Variants in MRPS35 observed in about 807,000 individuals in gnomAD.
The protein encoded by MRPS35 is mitochondrial ribosomal protein S35, also known as small ribosomal subunit protein mS35.
MRPS35 carries 29 observed loss-of-function variants against 32.7 expected under a neutral mutation model. That is an observed-to-expected ratio of 0.89 (90% CI 0.66 to 1.21). The LOEUF is 1.21. Ranked by LOEUF, MRPS35 falls within the 50% of genes most tolerant of loss-of-function variation. MRPS35 has a pLI of 0.00. For synonymous variants in MRPS35, 148 were observed against 139.3 expected (o/e 1.06, Z -0.44); for missense variants, 373 against 383.8 (o/e 0.97, Z 0.23).
At position 27,714,774 on chromosome 12, in the gene MRPS35, G is replaced by C. The variant is rs775631024; in HGVS notation, c.113-6G>C. The C allele has an allele frequency of 4.4e-6, 7 of 1,607,306 alleles. No homozygotes were observed. The highest frequency in any genetic ancestry group is 4.3e-6 in the Non-Finnish European group (5 of 1,174,692). ...CTTTAACTACTGTGTTATCTTTTAC[G>C]TACAGCGGAAAGAACACCCGGAAAT... On this transcript the variant is annotated splice_polypyrimidine_tract_variant and splice_region_variant and intron_variant, in intron 1 of 7. Transcript: ENST00000081029.
chr12:27,732,980 AT>A (rs1336208958), intron 5 of MRPS35, among the ~76,000 whole-genome samples: 1 of 108,710 alleles, frequency 9.2e-6, no homozygotes, highest in African/African-American at 3.5e-5. Context: ...AAATGTAGTC[AT>A]TTGAAGATAT....
chr12:27,716,605 T>TTTA (rs1165049850), intron 3 of MRPS35, 147 bp downstream of exon 3: 1 of 716,824 alleles, frequency 1.4e-6, no homozygotes, highest in Non-Finnish European at 2.2e-6. Flanking sequence ...ATATAATAGG[T>TTTA]TTATTATTAT....
chr12:27,751,084 CAG>C (rs2062000362), intron 7 of MRPS35, among the ~76,000 whole-genome samples: 2 of 103,670 alleles, frequency 1.9e-5, no homozygotes, highest in South Asian at 3.5e-4. Flanking sequence ...GCCTGGGTGA[CAG>C]AGTGAGACTC....
At chr12:27,733,888 A>G (rs2061932089) in intron 5 of MRPS35, among the ~76,000 whole-genome samples, 2 of 152,246 alleles carry the variant, frequency 1.3e-5, no homozygotes, top group African/African-American at 4.8e-5. Context: ...TGCTTTAAAA[A>G]ACAATATATC....
In MRPS35 at chr12:27,741,167, C is replaced by CA. The variant is rs1008503732; in HGVS notation, c.702+3569dup. ...TGGGCGACAGAGTGAGACTCTGTCT[C>CA]AAAAAAAAAATAATAATAATAATTA... On this transcript the variant is annotated intron_variant, in intron 7 of 7. Coordinates refer to ENST00000081029, the MANE Select transcript of MRPS35 (RefSeq NM_021821.4). Among the ~76,000 whole-genome samples the CA allele has an allele frequency of 7.7e-4, 108 of 140,828 alleles. No individual in the cohort carries two copies. In the Middle Eastern group the frequency reaches 0.011, roughly 14 times the overall value. 92.4% of individuals were successfully genotyped at this position (140,828 alleles called of 152,430 possible).
intron 5 of MRPS35, among the ~76,000 whole-genome samples, chr12:27,731,367 A>G (rs1392769216): frequency 6.6e-6 from 1 of 152,174 alleles, no homozygotes; most frequent in Non-Finnish European, 1.5e-5. Flanking sequence ...TGTAGCCTGT[A>G]CTTTAAGCCA....
intron 6 of MRPS35, 41 bp downstream of exon 6, chr12:27,735,597 C>A (rs777687492): frequency 7.2e-7 from 1 of 1,387,418 alleles, no homozygotes. Flanking sequence ...ACGTGTGTTT[C>A]CTCATTGTCC....
intron 7 of MRPS35, among the ~76,000 whole-genome samples, chr12:27,738,096 ATTC>A (rs1565469367): frequency 6.6e-6 from 1 of 152,200 alleles, no homozygotes; most frequent in South Asian, 2.1e-4. Context: ...TAGCTTGAGT[ATTC>A]TTTTTCCAAA....
In MRPS35 at chr12:27,735,464, G is replaced by C. The variant is rs1402799502; in HGVS notation, c.540G>C (p.Leu180Phe). 6.2e-7 allele frequency: 1 copy of C among 1,607,740 alleles called. No homozygotes were observed. The highest frequency in any genetic ancestry group is 1.3e-5 in the African/African-American group (1 of 74,600). ...TTTTTAAGGTAAAGCTTTCCAGTTTGAATTTAGATGATCACGCAAAGAAGA... is the reference window on the plus strand; with the variant it reads ...TTTTTAAGGTAAAGCTTTCCAGTTTCAATTTAGATGATCACGCAAAGAAGA... Reference protein sequence around the residue: ...VVVLRVKLSSLNLDDHAKKKL... With the variant: ...VVVLRVKLSSFNLDDHAKKKL... The change falls in exon 6 of 8, where the codon TTG (leucine) becomes TTC (phenylalanine). Residue 180 changes from leucine (L) to phenylalanine (F), a missense_variant. Transcript: ENST00000081029.
chr12:27,719,712 T>G (rs1418363562), intron 3 of MRPS35, 96 bp from the exon 4 acceptor site: 1 of 766,012 alleles, frequency 1.3e-6, no homozygotes, highest in Non-Finnish European at 2.2e-6. Flanking sequence ...TTACTACATG[T>G]TTTATTGGGC....
At position 27,724,079 on chromosome 12, in the gene MRPS35, A is replaced by G. The variant is rs373075818; in HGVS notation, c.415A>G (p.Ser139Gly). Residue 139 changes from serine to glycine, a missense_variant, in exon 5 of 8, where the codon AGT becomes GGT. Ser to Gly is a moderately conservative substitution (Grantham distance 56). Transcript: ENST00000081029. ...CACTGAGTGGCCAGCCGCACTGGAC[A>G]GTGACGAGAAATGTGAGAAGCATTT... ...FCTEWPAALDSDEKCEKHFPI... is the reference protein window; with the variant it reads ...FCTEWPAALDGDEKCEKHFPI... The G allele has an allele frequency of 2.9e-5, 46 of 1,611,126 alleles. No homozygotes were observed. Among genetic ancestry groups the G allele is most frequent in the Admixed American group, 1.7e-5 (1 of 58,796 alleles).
intron 7 of MRPS35, among the ~76,000 whole-genome samples, chr12:27,742,432 A>G (rs2061967399): frequency 6.6e-6 from 1 of 152,232 alleles, no homozygotes; most frequent in South Asian, 2.1e-4. Context: ...GTTGGTTATA[A>G]TATAATCTGT....
In MRPS35 at chr12:27,755,377, AAAAT is replaced by A; in HGVS notation, c.900_903del (p.Asn301ArgfsTer15). On this transcript the variant is annotated frameshift_variant, in exon 8 of 8. Coordinates refer to ENST00000081029, the MANE Select transcript of MRPS35 (RefSeq NM_021821.4). LOFTEE classifies it high-confidence loss of function. Reference sequence around the variant, plus strand: ...TACAAAAAGTCTGTTGTTAGTCTTAAAAATGAGGAGGAAAATGAAAATTCCATTT... The same window carrying A: ...TACAAAAAGTCTGTTGTTAGTCTTAAGAGGAGGAAAATGAAAATTCCATTT... 1.9e-6 allele frequency: 3 copies of A among 1,602,530 alleles called. No homozygotes were observed. Among genetic ancestry groups the A allele is most frequent in the Non-Finnish European group, 2.5e-6 (3 of 1,177,512 alleles).
At position 27,724,820 on chromosome 12, in the gene MRPS35, A is replaced by G. The variant is rs149629497; in HGVS notation, c.522+634A>G. Among the ~76,000 whole-genome samples, 403 of 152,302 alleles carry G rather than the reference A, an allele frequency of 2.6e-3. 4 individuals are homozygous for G. Among genetic ancestry groups the G allele is most frequent in the African/African-American group, 9.4e-3 (390 of 41,570 alleles). On this transcript the variant is annotated intron_variant, in intron 5 of 7. Transcript: ENST00000081029. Reference sequence around the variant, plus strand: ...GTTAACTATAGTAGCTCATTTTAGTATATAGTCACAGCCTGCCTTTGTGTA... The same window carrying G: ...GTTAACTATAGTAGCTCATTTTAGTGTATAGTCACAGCCTGCCTTTGTGTA...
At chr12:27,723,688 C>T (rs1349780968) in intron 4 of MRPS35, among the ~76,000 whole-genome samples, 1 of 152,136 alleles carries the variant, frequency 6.6e-6, no homozygotes, top group African/African-American at 2.4e-5. Flanking sequence ...AACAGTAATG[C>T]TGTGGGCACT....
chr12:27,726,774 A>G (rs2061902406), intron 5 of MRPS35, among the ~76,000 whole-genome samples: 1 of 151,932 alleles, frequency 6.6e-6, no homozygotes, highest in South Asian at 2.1e-4. Context: ...CTATTTGTAT[A>G]TGTTTGGAGA....
At chr12:27,740,188 C>T (rs2061958441) in intron 7 of MRPS35, among the ~76,000 whole-genome samples, 2 of 152,064 alleles carry the variant, frequency 1.3e-5, no homozygotes, top group South Asian at 4.1e-4. Flanking sequence ...AAATAGAGAG[C>T]CTCTTTTTAA....
At chr12:27,717,951 G>A (rs2061857724) in intron 3 of MRPS35, among the ~76,000 whole-genome samples, 1 of 152,038 alleles carries the variant, frequency 6.6e-6, no homozygotes, top group African/African-American at 2.4e-5. Flanking sequence ...TGATATTTGA[G>A]TTTTATATGT....
intron 5 of MRPS35, among the ~76,000 whole-genome samples, chr12:27,732,125 T>C (rs1204542563): frequency 1.3e-5 from 2 of 152,206 alleles, no homozygotes; most frequent in Non-Finnish European, 2.9e-5. Context: ...TTCATAATAA[T>C]GGTAACAACT....
Sources: gnomAD v4.1 joint callset for allele counts (sites outside exome capture counted in the v4.1 genomes callset) on GRCh38, gnomAD v4.1.1 for gene constraint, MANE v1.5 for transcripts, NCBI Gene and HGNC (gene_info 2026-07-23, HGNC 2026-07-21) for gene names.